TPO: variants seen among roughly 807,000 people sequenced by gnomAD.
TPO encodes the protein thyroid microsomal antigen.
Under a neutral mutation model 96.9 loss-of-function variants are expected in TPO, and 78 were observed. That is an observed-to-expected ratio of 0.81 (90% CI 0.67 to 0.97). The LOEUF is 0.97. Among genes scored for constraint, TPO ranks in the 50% least tolerant of loss-of-function variants. The pLI is 0.00. For synonymous variants in TPO, 547 were observed against 538.0 expected (o/e 1.02, Z -0.23); for missense variants, 1,252 against 1,274.8 (o/e 0.98, Z 0.27).
intron 7 of TPO, among the ~76,000 whole-genome samples, chr2:1,462,029 C>T (rs1376026985): frequency 1.3e-5 from 2 of 152,202 alleles, no homozygotes; most frequent in African/African-American, 2.4e-5. Context: ...CTTTTTAGGG[C>T]TCAGTTAGAG....
At chr2:1,514,214 CT>C (rs1473835135) in intron 14 of TPO, among the ~76,000 whole-genome samples, 3 of 152,292 alleles carry the variant, frequency 2.0e-5, no homozygotes, top group East Asian at 1.9e-4. Context: ...TTTTCCTCCA[CT>C]TCCTGCTCTA....
At chr2:1,389,589 C>T (rs1030664654) in intron 1 of TPO, among the ~76,000 whole-genome samples, 6 of 152,034 alleles carry the variant, frequency 3.9e-5, no homozygotes, top group African/African-American at 1.4e-4. Flanking sequence ...AAATGTTAGT[C>T]CTTACCATGG....
In TPO at chr2:1,427,186, G is replaced by T. The variant is rs551754449; in HGVS notation, c.179+4057G>T. Among the ~76,000 whole-genome samples the T allele has an allele frequency of 3.5e-3, 531 of 152,360 alleles. 2 individuals are homozygous for T. The highest frequency in any genetic ancestry group is 0.012 in the African/African-American group (493 of 41,584). ...CCAGGGCAGGCTGCACACAGAAGGG[G>T]CCACATCTGGGGAGGGGGGCCCTGT... On this transcript the variant is annotated intron_variant, in intron 3 of 16. Coordinates refer to ENST00000329066, the MANE Select transcript of TPO (RefSeq NM_001206744.2).
intron 5 of TPO, among the ~76,000 whole-genome samples, chr2:1,437,298 C>T (rs1459806373): frequency 1.3e-5 from 2 of 152,084 alleles, no homozygotes; most frequent in African/African-American, 4.8e-5. Flanking sequence ...CCGGTGGTCA[C>T]CTAGAAGCTT....
chr2:1,433,788 A>T (rs762225971), intron 4 of TPO, among the ~76,000 whole-genome samples, 181 bp downstream of exon 4: 1 of 152,220 alleles, frequency 6.6e-6, no homozygotes, highest in Non-Finnish European at 1.5e-5. Flanking sequence ...CAGTCTCAAT[A>T]TCTTATTTTT....
intron 1 of TPO, among the ~76,000 whole-genome samples, chr2:1,375,384 T>C (rs1246158061): frequency 2.0e-5 from 3 of 152,072 alleles, no homozygotes; most frequent in Non-Finnish European, 2.9e-5. Context: ...AGATTGAGAA[T>C]GTGCCCGGAA....
In TPO at chr2:1,479,766, C is replaced by CTCCTCT. The variant is rs1290519079; in HGVS notation, c.1338+2165_1338+2170dup. ...CCTTGTCCTCCTCCTCGTCCTCCTC[C>CTCCTCT]TCCTCTTCTTCTTCTCCTTCTTCTT... On this transcript the variant is annotated intron_variant, in intron 8 of 16. Transcript: ENST00000329066. Among the ~76,000 whole-genome samples, 32 of 148,992 alleles carry CTCCTCT rather than the reference C, an allele frequency of 2.1e-4. 1 individual carries two copies. The highest frequency in any genetic ancestry group is 1.1e-3 in the Admixed American group (16 of 14,716).
chr2:1,402,220 C>T (rs554172347), intron 1 of TPO, among the ~76,000 whole-genome samples: 2 of 152,330 alleles, frequency 1.3e-5, no homozygotes, highest in East Asian at 3.9e-4. Context: ...CCTGTAAAGG[C>T]CACCCTGCCC....
At chr2:1,478,326 G>A (rs972495865) in intron 8 of TPO, 3 of 985,344 alleles carry the variant, frequency 3.0e-6, no homozygotes, top group Admixed American at 1.2e-4. Flanking sequence ...TGATATGCGA[G>A]TCACCGTGTG....
chr2:1,503,777 CT>C, intron 13 of TPO, 170 bp from the exon 14 acceptor site: 2 of 1,253,276 alleles, frequency 1.6e-6, no homozygotes, highest in Non-Finnish European at 2.3e-6. Context: ...TCCTCATCAC[CT>C]TTTCGGATGT....
At chr2:1,536,534 A>C (rs1472213140) in intron 15 of TPO, among the ~76,000 whole-genome samples, 5 of 17,096 alleles carry the variant, frequency 2.9e-4, no homozygotes, top group Admixed American at 9.6e-4. Flanking sequence ...TTCCTCCCCC[A>C]CTCTGAGTAG....
chr2:1,384,034 G>A (rs1423943714), intron 1 of TPO, among the ~76,000 whole-genome samples: 1 of 152,158 alleles, frequency 6.6e-6, no homozygotes, highest in African/African-American at 2.4e-5. Context: ...TTGTAGATGT[G>A]TGGCATTATT....
chr2:1,512,474 G>A (rs536154822), intron 14 of TPO: 11 of 985,458 alleles, frequency 1.1e-5, no homozygotes, highest in Admixed American at 1.2e-4. Context: ...TGTGCGCTCC[G>A]CGCTGCCTTC....
At chr2:1,483,430 G>A (rs866865659) in intron 8 of TPO, among the ~76,000 whole-genome samples, 1 of 152,226 alleles carries the variant, frequency 6.6e-6, no homozygotes, top group Non-Finnish European at 1.5e-5. Context: ...CTATTGTAGT[G>A]AGAAGAAACC....
chr2:1,471,941 A>T (rs1386955017), intron 7 of TPO, among the ~76,000 whole-genome samples: 1 of 133,916 alleles, frequency 7.5e-6, no homozygotes, highest in African/African-American at 2.8e-5. Context: ...ATGATCTGAA[A>T]GTTCATAGCA....
intron 15 of TPO, among the ~76,000 whole-genome samples, chr2:1,521,664 C>G (rs916218745): frequency 6.6e-6 from 1 of 152,062 alleles, no homozygotes; most frequent in Non-Finnish European, 1.5e-5. Context: ...GGGGGACAGA[C>G]GTAGAGTGGC....
intron 1 of TPO, 106 bp from the exon 2 acceptor site, chr2:1,414,302 G>T (rs184331680): frequency 1.9e-6 from 2 of 1,079,574 alleles, no homozygotes; most frequent in Non-Finnish European, 2.8e-6. Context: ...TAGAGGCTGC[G>T]TGGAGTCAGT....
chr2:1,477,656 C>A, intron 8 of TPO, 52 bp downstream of exon 8: 1 of 1,436,318 alleles, frequency 7.0e-7, no homozygotes, highest in Non-Finnish European at 9.1e-7. Flanking sequence ...AAGCGGGGGG[C>A]GCCTCGTGTG....
At chr2:1,480,060 G>T (rs1215068248) in intron 8 of TPO, among the ~76,000 whole-genome samples, 2 of 152,072 alleles carry the variant, frequency 1.3e-5, no homozygotes, top group Non-Finnish European at 2.9e-5. Context: ...GGGATTACAG[G>T]CCTGAGCCAC....
Sources: allele counts gnomAD v4.1 joint callset (sites outside exome capture counted in the v4.1 genomes callset), GRCh38; gene constraint gnomAD v4.1.1; transcripts MANE v1.5; gene names NCBI Gene and HGNC (gene_info 2026-07-23, HGNC 2026-07-21).